The following AUH variants were observed in gnomAD, a reference collection of about 807,000 sequenced individuals.
AUH encodes the protein AU RNA binding methylglutaconyl-CoA hydratase.
AUH carries 29 observed loss-of-function variants against 42.3 expected under a neutral mutation model. That is an observed-to-expected ratio of 0.69 (90% CI 0.51 to 0.93). AUH has a LOEUF of 0.93. Among genes scored for constraint, AUH ranks in the 40% least tolerant of loss-of-function variants. The pLI, the probability that AUH is intolerant of heterozygous loss-of-function variation, is 0.00. For missense variants in AUH, 452 were observed against 438.1 expected, an observed-to-expected ratio of 1.03 and a Z score of -0.28; for synonymous variants, 174 against 166.4, an observed-to-expected ratio of 1.05 and a Z score of -0.35.
At chr9:91,294,592 T>G (rs1827168962) in intron 6 of AUH, 1 of 407,884 alleles carries the variant, frequency 2.5e-6, no homozygotes, top group African/African-American at 2.1e-5. Flanking sequence ...AGGCTATAGC[T>G]GCCATAGACA....
At chr9:91,358,936 T>G (rs1335654447) in intron 1 of AUH, among the ~76,000 whole-genome samples, 1 of 152,172 alleles carries the variant, frequency 6.6e-6, no homozygotes, top group Non-Finnish European at 1.5e-5. Flanking sequence ...AAAAGTTTTT[T>G]TTTATAACTG....
In AUH at chr9:91,341,982, G is replaced by A. The variant is rs79618601; in HGVS notation, c.418+13901C>T. Among the ~76,000 whole-genome samples, 462 of 152,330 alleles carry A rather than the reference G, an allele frequency of 3.0e-3. 5 individuals are homozygous for A. The highest frequency in any genetic ancestry group is 0.011 in the African/African-American group (439 of 41,584). On this transcript the variant is annotated intron_variant, in intron 3 of 9. Coordinates refer to ENST00000375731, the MANE Select transcript of AUH (RefSeq NM_001698.3). ...AGAAGAATGAGCTTTGTCAAGCAGAGAGAGTAAGAAAGGCAGTGGGAAATT... is the reference window on the plus strand; with the variant it reads ...AGAAGAATGAGCTTTGTCAAGCAGAAAGAGTAAGAAAGGCAGTGGGAAATT...
intron 3 of AUH, among the ~76,000 whole-genome samples, chr9:91,326,849 A>T (rs1226810012): frequency 6.6e-6 from 1 of 152,226 alleles, no homozygotes; most frequent in African/African-American, 2.4e-5. Context: ...ATATGTAACA[A>T]AGAAAAATGT....
At chr9:91,345,300 A>G (rs1218324591) in intron 3 of AUH, among the ~76,000 whole-genome samples, 1 of 152,228 alleles carries the variant, frequency 6.6e-6, no homozygotes, top group Non-Finnish European at 1.5e-5. Context: ...AAAACCCCAG[A>G]GTATCTACAA....
intron 6 of AUH, among the ~76,000 whole-genome samples, chr9:91,259,929 A>G (rs992836594): frequency 6.6e-6 from 1 of 152,090 alleles, no homozygotes; most frequent in Non-Finnish European, 1.5e-5. Flanking sequence ...ATTGTTTCCT[A>G]ATACACCTAA....
chr9:91,236,743 G>A (rs545847541), intron 6 of AUH, among the ~76,000 whole-genome samples: 2 of 152,288 alleles, frequency 1.3e-5, no homozygotes, highest in South Asian at 4.1e-4. Flanking sequence ...TCAGCTCATG[G>A]ACAGTATGAG....
chr9:91,296,113 A>G (rs1300939677), intron 5 of AUH, 36 bp from the exon 6 acceptor site: 4 of 1,595,404 alleles, frequency 2.5e-6, no homozygotes, highest in Non-Finnish European at 2.6e-6. Flanking sequence ...TATCATCCAT[A>G]TCATCACATT....
intron 6 of AUH, among the ~76,000 whole-genome samples, chr9:91,235,017 G>A (rs1828097599): frequency 6.6e-6 from 1 of 151,914 alleles, no homozygotes; most frequent in African/African-American, 2.4e-5. Context: ...CCCATTGAAG[G>A]AGACCACTGT....
chr9:91,234,221 C>T (rs1411575666), intron 6 of AUH, among the ~76,000 whole-genome samples: 1 of 152,198 alleles, frequency 6.6e-6, no homozygotes, highest in Non-Finnish European at 1.5e-5. Flanking sequence ...AGAGCCAGAG[C>T]TGCCTCCTCT....
chr9:91,271,555 A>C (rs1030921538), intron 6 of AUH, among the ~76,000 whole-genome samples: 2 of 152,250 alleles, frequency 1.3e-5, no homozygotes, highest in African/African-American at 4.8e-5. Flanking sequence ...AAAAAATGTA[A>C]GTGAGGAAAG....
chr9:91,273,571 C>CT (rs1259538568), intron 6 of AUH, among the ~76,000 whole-genome samples: 1 of 152,240 alleles, frequency 6.6e-6, no homozygotes, highest in Non-Finnish European at 1.5e-5. Context: ...GCAATATCAA[C>CT]TGGCATTGAA....
At position 91,355,895 on chromosome 9, in the gene AUH, T is replaced by G; in HGVS notation, c.406A>C (p.Ile136Leu). The change falls in exon 3 of 10, where the codon ATA becomes CTA. Residue 136 changes from isoleucine (I) to leucine (L), a missense_variant. Ile to Leu is a conservative substitution (Grantham distance 5, BLOSUM62 2). Coordinates refer to ENST00000375731, the MANE Select transcript of AUH (RefSeq NM_001698.3). ...CATATTTACATACCAGCACAGAATA[T>G]CCCTGGGACTTCACTCCTGATTATT... is the stretch of plus-strand genomic sequence containing the variant. ...TIIIRSEVPG[I>L]FCAGADLKER... is the part of the protein sequence containing the mutation. The G allele has an allele frequency of 6.2e-7, 1 of 1,610,568 alleles. No individual in the cohort carries two copies. The highest frequency in any genetic ancestry group is 8.5e-7 in the Non-Finnish European group (1 of 1,176,928).
intron 3 of AUH, among the ~76,000 whole-genome samples, chr9:91,330,900 T>C (rs901321506): frequency 1.2e-4 from 19 of 152,192 alleles, no homozygotes; most frequent in Non-Finnish European, 2.4e-4. Context: ...GGGTGGGAGA[T>C]GGGTAATGAT....
At chr9:91,224,606 C>G (rs374783560) in intron 6 of AUH, among the ~76,000 whole-genome samples, 1 of 152,064 alleles carries the variant, frequency 6.6e-6, no homozygotes, top group Non-Finnish European at 1.5e-5. Context: ...GGTCTTTGAT[C>G]AGTTTTGTGT....
chr9:91,329,073 T>A (rs1195622691), intron 3 of AUH, among the ~76,000 whole-genome samples: 1 of 152,230 alleles, frequency 6.6e-6, no homozygotes, highest in African/African-American at 2.4e-5. Flanking sequence ...TTCAGGTTCA[T>A]GCATGTTATA....
chr9:91,263,740 T>A (rs1829821956), intron 6 of AUH, among the ~76,000 whole-genome samples: 1 of 152,212 alleles, frequency 6.6e-6, no homozygotes, highest in South Asian at 2.1e-4. Context: ...CATCTCTATA[T>A]CCCTAAATAG....
At chr9:91,308,092 G>C (rs1395963613) in intron 4 of AUH, among the ~76,000 whole-genome samples, 1 of 152,152 alleles carries the variant, frequency 6.6e-6, no homozygotes, top group Non-Finnish European at 1.5e-5. Flanking sequence ...ACCTAACATA[G>C]TTAAGATTAT....
chr9:91,285,011 G>C (rs1019918319), intron 6 of AUH, among the ~76,000 whole-genome samples: 3 of 152,144 alleles, frequency 2.0e-5, no homozygotes, highest in Non-Finnish European at 4.4e-5. Context: ...ACATGCACAC[G>C]TATGTTTATT....
At chr9:91,300,088 A>G (rs758559773) in intron 4 of AUH, among the ~76,000 whole-genome samples, 2 of 151,296 alleles carry the variant, frequency 1.3e-5, no homozygotes, top group Non-Finnish European at 2.9e-5. Flanking sequence ...GCCTCAAAAG[A>G]TCAGAGACAT....
Sources: gnomAD v4.1 joint callset for allele counts (sites outside exome capture counted in the v4.1 genomes callset) on GRCh38, gnomAD v4.1.1 for gene constraint, MANE v1.5 for transcripts, NCBI Gene and HGNC (gene_info 2026-07-23, HGNC 2026-07-21) for gene names.